Variants in LNPEP observed in about 807,000 individuals in gnomAD.
The protein encoded by LNPEP is leucyl-cystinyl aminopeptidase.
LNPEP carries 64 observed loss-of-function variants against 120.6 expected under a neutral mutation model. The observed-to-expected ratio is 0.53, with a 90% confidence interval of 0.43 to 0.65. LNPEP has a LOEUF of 0.65. Ranked by LOEUF, LNPEP falls within the 30% of genes least tolerant of loss-of-function variation. The pLI is 0.00. For synonymous variants in LNPEP, 435 were observed against 425.4 expected, an observed-to-expected ratio of 1.02 and a Z score of -0.28; for missense variants, 1,057 against 1,200.0, an observed-to-expected ratio of 0.88 and a Z score of 1.76.
In LNPEP at chr5:96,979,914, A is replaced by G; in HGVS notation, c.796A>G (p.Asn266Asp). Residue 266 changes from asparagine (N) to aspartate (D), a missense_variant, in exon 2 of 18, where the codon AAT becomes GAT. Coordinates refer to ENST00000231368, the MANE Select transcript of LNPEP (RefSeq NM_005575.3). ...NYTLKIEYSANISSSYYGFYG... is the reference protein window; with the variant it reads ...NYTLKIEYSADISSSYYGFYG... ...TACGTTGAAGATAGAGTACTCGGCA[A>G]ATATATCTAGTTCTTATTATGGGTT... 6.2e-7 allele frequency: 1 copy of G among 1,613,532 alleles called. No homozygotes were observed. The highest frequency in any genetic ancestry group is 8.5e-7 in the Non-Finnish European group (1 of 1,179,650).
At chr5:97,014,284 G>A (rs1240756302) in intron 12 of LNPEP, among the ~76,000 whole-genome samples, 1 of 152,098 alleles carries the variant, frequency 6.6e-6, no homozygotes, top group Non-Finnish European at 1.5e-5. Flanking sequence ...AGCCAAGGAT[G>A]ACAGTGACCT....
At chr5:97,006,373 T>TA (rs3835054) in intron 10 of LNPEP, 54 bp from the exon 11 acceptor site, 22,156 of 1,076,064 alleles carry the variant, frequency 0.021, 41 homozygotes, top group East Asian at 0.094. Flanking sequence ...CCTACCAAAT[T>TA]AAAAAAAAAA....
At position 96,997,996 on chromosome 5, in the gene LNPEP, C is replaced by G. The variant is rs762636419; in HGVS notation, c.1522-18C>G. The G allele has an allele frequency of 2.0e-6, 3 of 1,513,574 alleles. No homozygotes were observed. Among genetic ancestry groups the G allele is most frequent in the Non-Finnish European group, 1.8e-6 (2 of 1,109,938 alleles). The allele number at this position is 1,513,574 out of a possible 1,614,324, so 93.8% of individuals were successfully genotyped here. On this transcript the variant is annotated intron_variant, in intron 7 of 17. Coordinates refer to ENST00000231368, the MANE Select transcript of LNPEP (RefSeq NM_005575.3). ...TTGATACTACTTGTGATATTCTAAT[C>G]TTTTCATTTTTTGACAGTATGAAGA...
At position 97,030,727 on chromosome 5, in the gene LNPEP, T is replaced by C. The variant is rs958663130; in HGVS notation, c.*2194T>C. The C allele has an allele frequency of 6.6e-6, 1 of 151,360 alleles. No individual in the cohort carries two copies. The highest frequency in any genetic ancestry group is 6.6e-5 in the Admixed American group (1 of 15,144). 9.4% of individuals were successfully genotyped at this position (151,360 alleles called of 1,614,324 possible). A position where few individuals can be genotyped will look rare whatever the true frequency, so the allele number is the denominator to read the frequency against. On this transcript the variant is annotated 3_prime_UTR_variant, in exon 18 of 18. Transcript: ENST00000231368. ...ATCAAAACTTGGCCTGAAAAAGAGATAACTCATGATCCATTGCTATCTTTA... is the reference window on the plus strand; with the variant it reads ...ATCAAAACTTGGCCTGAAAAAGAGACAACTCATGATCCATTGCTATCTTTA...
At chr5:97,010,940 C>G in intron 11 of LNPEP, 1 of 985,348 alleles carries the variant, frequency 1.0e-6, no homozygotes, top group Non-Finnish European at 1.2e-6. Context: ...AATGATAACT[C>G]TGTCTGTCTT....
intron 1 of LNPEP, among the ~76,000 whole-genome samples, chr5:96,955,631 G>C (rs191609477): frequency 1.3e-5 from 2 of 152,150 alleles, no homozygotes; most frequent in African/African-American, 4.8e-5. Flanking sequence ...AAAAGAAAAA[G>C]AAAAAAATTG....
chr5:96,994,601 C>G (rs536263554), intron 6 of LNPEP, among the ~76,000 whole-genome samples: 1 of 152,102 alleles, frequency 6.6e-6, no homozygotes, highest in African/African-American at 2.4e-5. Context: ...GTACATAACA[C>G]CCCCATTCTT....
intron 13 of LNPEP, among the ~76,000 whole-genome samples, chr5:97,016,862 G>C (rs1001001465): frequency 2.3e-4 from 35 of 152,106 alleles, no homozygotes; most frequent in Non-Finnish European, 5.9e-5. Context: ...TCTAGTGTTA[G>C]TGTAGTAAAG....
intron 1 of LNPEP, chr5:96,962,848 T>C (rs1301976288): frequency 6.6e-6 from 1 of 152,068 alleles, no homozygotes; most frequent in African/African-American, 2.4e-5. Flanking sequence ...AATGTTGGCT[T>C]TTATCAACAT....
chr5:96,944,560 C>CTTTT lies in LNPEP; in HGVS notation c.19+8409_19+8412dup, dbSNP rs60017687. ...TTCTTTTTTGTTTTTCTTATTTTTG[C>CTTTT]TTTTTTTTTTTTTTTTTTTTTTTTT... On this transcript the variant is annotated intron_variant, in intron 1 of 17. Coordinates refer to ENST00000231368, the MANE Select transcript of LNPEP (RefSeq NM_005575.3). 4.6e-3 allele frequency among the ~76,000 whole-genome samples: 259 copies of CTTTT among 56,348 alleles called. 49 individuals are homozygous for CTTTT. Among genetic ancestry groups the CTTTT allele is most frequent in the East Asian group, 0.019 (31 of 1,640 alleles). The allele number at this position is 56,348 out of a possible 152,430, so 37.0% of individuals were successfully genotyped here.
chr5:96,992,472 G>T (rs771025614), intron 4 of LNPEP, among the ~76,000 whole-genome samples: 1 of 152,088 alleles, frequency 6.6e-6, no homozygotes, highest in Non-Finnish European at 1.5e-5. Flanking sequence ...GTTTTTCTAG[G>T]ATAATTTCAA....
In LNPEP at chr5:96,971,345, T is replaced by G. The variant is rs1344485037; in HGVS notation, c.20-7793T>G. ...CATGATGTGCTTAAGACATTATTAT[T>G]TGTGTGTGTGTGTGTGTGTGTGTGT... On this transcript the variant is annotated intron_variant, in intron 1 of 17. Transcript: ENST00000231368. 2.8e-5 allele frequency among the ~76,000 whole-genome samples: 4 copies of G among 142,920 alleles called. No individual in the cohort carries two copies. In the South Asian group the frequency reaches 9.0e-4, roughly 32 times the overall value. 93.8% of individuals were successfully genotyped at this position (142,920 alleles called of 152,430 possible).
At chr5:97,011,048 C>G (rs1790912588) in intron 11 of LNPEP, 3 of 985,362 alleles carry the variant, frequency 3.0e-6, no homozygotes, top group Middle Eastern at 5.2e-4. Flanking sequence ...ACCATCTGGA[C>G]TTGGCTAGGT....
At chr5:97,019,912 G>A (rs967048646) in intron 13 of LNPEP, among the ~76,000 whole-genome samples, 2 of 152,148 alleles carry the variant, frequency 1.3e-5, no homozygotes, top group African/African-American at 4.8e-5. Flanking sequence ...ATGCAGTTAG[G>A]TATGTCAAGT....
At chr5:96,965,427 G>A (rs1053591467) in intron 1 of LNPEP, among the ~76,000 whole-genome samples, 1 of 151,872 alleles carries the variant, frequency 6.6e-6, no homozygotes, top group Admixed American at 6.6e-5. Flanking sequence ...AAGGTATTAG[G>A]TTTTTCTTGC....
chr5:96,939,347 G>A (rs1485394240), intron 1 of LNPEP, among the ~76,000 whole-genome samples: 2 of 151,642 alleles, frequency 1.3e-5, no homozygotes, highest in Non-Finnish European at 2.9e-5. Context: ...CCGAGTAGCT[G>A]GGATTACAGG....
intron 1 of LNPEP, among the ~76,000 whole-genome samples, chr5:96,974,438 C>T (rs138388620): frequency 1.1e-4 from 17 of 152,238 alleles, no homozygotes; most frequent in Non-Finnish European, 1.9e-4. Context: ...CTGGATGCTA[C>T]GCCAGCATTT....
Position 96,979,657 on chromosome 5 carries a change from G to A in LNPEP, c.539G>A (p.Ser180Asn), listed in dbSNP as rs2112607018. Residue 180 changes from serine to asparagine, a missense_variant, in exon 2 of 18, where the codon AGC (serine) becomes AAC (asparagine). Physicochemically the swap from Ser to Asn is conservative, Grantham distance 46 (BLOSUM62 1). Transcript: ENST00000231368. ...TAVVPLRYEL[S>N]LHPNLTSMTF... ...GTTGTGCCACTACGCTATGAACTCA[G>A]CCTACACCCGAACCTAACCTCGATG... is the stretch of plus-strand genomic sequence containing the variant. 1 of 1,614,066 alleles carries A rather than the reference G, an allele frequency of 6.2e-7. No homozygotes were observed. Among genetic ancestry groups the A allele is most frequent in the South Asian group, 1.1e-5 (1 of 91,088 alleles).
chr5:96,965,287 A>G (rs1165415806), intron 1 of LNPEP, among the ~76,000 whole-genome samples: 1 of 151,860 alleles, frequency 6.6e-6, no homozygotes, highest in East Asian at 1.9e-4. Flanking sequence ...ACATGTGGAT[A>G]TGTGTTGCCT....
Sources: gnomAD v4.1 joint callset for allele counts (sites outside exome capture counted in the v4.1 genomes callset) on GRCh38, gnomAD v4.1.1 for gene constraint, MANE v1.5 for transcripts, NCBI Gene and HGNC (gene_info 2026-07-23, HGNC 2026-07-21) for gene names.